SCN3A: variants seen among roughly 807,000 people sequenced by gnomAD.
SCN3A encodes sodium channel protein type 3 subunit alpha.
A neutral mutation model predicts 187.6 loss-of-function variants in SCN3A; 60 were observed. That is an observed-to-expected ratio of 0.32 (90% CI 0.26 to 0.40). SCN3A has a LOEUF of 0.40. SCN3A is among the 10% of genes least tolerant of loss of function. The probability of loss-of-function intolerance (pLI) is 1.00; values close to 1 mark genes in which losing one functional copy is unlikely to be tolerated. For missense variants in SCN3A, 1,601 were observed against 2,428.2 expected (o/e 0.66, Z 7.16); for synonymous variants, 788 against 829.2 (o/e 0.95, Z 0.85).
intron 1 of SCN3A, among the ~76,000 whole-genome samples, chr2:165,190,933 C>A (rs765015119): frequency 3.9e-5 from 6 of 151,958 alleles, no homozygotes; most frequent in Non-Finnish European, 8.8e-5. Context: ...TTCTGGGCTC[C>A]ACCCCAGGTA....
chr2:165,155,727 A>C (rs765991503), intron 10 of SCN3A, 35 bp downstream of exon 10: 2 of 1,611,986 alleles, frequency 1.2e-6, no homozygotes, highest in Non-Finnish European at 1.7e-6. Flanking sequence ...CATGTCTATA[A>C]AAATAAATGT....
chr2:165,164,418 C>A lies in SCN3A; in HGVS notation c.576G>T (p.Trp192Cys). 6.2e-7 allele frequency: 1 copy of A among 1,613,790 alleles called. No homozygotes were observed. Among genetic ancestry groups the A allele is most frequent in the Admixed American group, 1.7e-5 (1 of 60,008 alleles). The change falls in exon 6 of 28, where the codon TGG (tryptophan) becomes TGT (cysteine). Residue 192 changes from tryptophan to cysteine, a missense_variant. Transcript: ENST00000283254. ...DFTFLRDPWN[W>C]LDFSVIVMAY... ...CCATCACAATGACACTGAAATCCAGCCAGTTCCATGGATCACGAAGAAACG... is the reference window on the plus strand; with the variant it reads ...CCATCACAATGACACTGAAATCCAGACAGTTCCATGGATCACGAAGAAACG...
intron 18 of SCN3A, among the ~76,000 whole-genome samples, chr2:165,124,109 A>C (rs13031495): frequency 0.011 from 1,685 of 152,148 alleles, 27 homozygotes; most frequent in African/African-American, 0.033. Flanking sequence ...TTGTAATTGA[A>C]ATCTATGTAT....
At chr2:165,124,812 G>T (rs1042340884) in intron 18 of SCN3A, among the ~76,000 whole-genome samples, 2 of 152,078 alleles carry the variant, frequency 1.3e-5, no homozygotes, top group African/African-American at 4.8e-5. Context: ...CCCTAGCTGA[G>T]AATTTTATCA....
rs1687217835 is a variant in SCN3A, at chr2:165,130,002, C to G, written c.2860G>C (p.Val954Leu). The change falls in exon 17 of 28, where the codon GTC (valine) becomes CTC (leucine). Residue 954 changes from valine to leucine, a missense_variant. Transcript: ENST00000283254. Reference protein sequence around the residue: ...WIETMWDCMEVAGQTMCLIVF... With the variant: ...WIETMWDCMELAGQTMCLIVF... The stretch of plus-strand genomic sequence containing the variant: ...ATAAGGCACATGGTTTGGCCAGCGA[C>G]CTCCATACAGTCCCACATGGTCTCT... The G allele has an allele frequency of 6.2e-7, 1 of 1,614,140 alleles. No homozygotes were observed. Among genetic ancestry groups the G allele is most frequent in the South Asian group, 1.1e-5 (1 of 91,088 alleles).
rs1325714009 is a variant in SCN3A, at chr2:165,137,902, T to A, written c.2368A>T (p.Ser790Cys). ...EHYPMTEQFS[S>C]VLTVGNLVFT... ...ACCAGGTTTCCTACAGTCAACACAC[T>A]ACTGAATTGCTCAGTCATGGGGTAG... Residue 790 changes from serine to cysteine, a missense_variant, in exon 15 of 28, where the codon AGT becomes TGT. Around this residue, in one of 11 missense-constraint regions of SCN3A, gnomAD observed 376 missense variants for 476.0 expected, o/e 0.79. Coordinates refer to ENST00000283254, the MANE Select transcript of SCN3A (RefSeq NM_006922.4). 6.2e-7 allele frequency: 1 copy of A among 1,612,390 alleles called. No homozygotes were observed. Among genetic ancestry groups the A allele is most frequent in the Admixed American group, 1.7e-5 (1 of 59,986 alleles).
Position 165,113,912 on chromosome 2 carries a change from G to T in SCN3A, c.3573C>A (p.Ile1191=). 6.2e-7 allele frequency: 1 copy of T among 1,612,914 alleles called. No individual in the cohort carries two copies. Among genetic ancestry groups the T allele is most frequent in the Non-Finnish European group, 8.5e-7 (1 of 1,179,004 alleles). The change falls in exon 20 of 28, where the codon ATC becomes ATA. Residue 1191 remains isoleucine (I), a synonymous_variant. Coordinates refer to ENST00000283254, the MANE Select transcript of SCN3A (RefSeq NM_006922.4). ...AGCAGGTTTTTCGAAGATTCCACCA[G>T]ATCTTCCCTTTGCCTTCTTCTGTAC... ...QVSTEEGKGK[I]WWNLRKTCYS...
intron 22 of SCN3A, among the ~76,000 whole-genome samples, chr2:165,097,916 A>G (rs1250047462): frequency 6.6e-6 from 1 of 152,232 alleles, no homozygotes; most frequent in African/African-American, 2.4e-5. Flanking sequence ...AATTTGAAAA[A>G]GCCAGTAAAC....
intron 15 of SCN3A, among the ~76,000 whole-genome samples, chr2:165,133,509 T>A (rs1003257244): frequency 1.3e-5 from 2 of 151,960 alleles, no homozygotes; most frequent in Non-Finnish European, 2.9e-5. Flanking sequence ...GCCCAGCTAA[T>A]TTTTCTAATT....
chr2:165,148,720 G>A (rs1688499989), intron 11 of SCN3A, among the ~76,000 whole-genome samples: 1 of 151,668 alleles, frequency 6.6e-6, no homozygotes, highest in African/African-American at 2.4e-5. Flanking sequence ...ACAATACCCA[G>A]CATTTAAATA....
chr2:165,096,621 A>G, intron 23 of SCN3A, 101 bp from the exon 24 acceptor site: 2 of 759,124 alleles, frequency 2.6e-6, no homozygotes, highest in Non-Finnish European at 4.5e-6. Context: ...AACTTTTTGT[A>G]CAATATTGTG....
chr2:165,191,408 T>A (rs1363134835), intron 1 of SCN3A, among the ~76,000 whole-genome samples: 3 of 152,064 alleles, frequency 2.0e-5, no homozygotes, highest in Non-Finnish European at 4.4e-5. Context: ...ATCCTTACAA[T>A]TGCCTAAAAG....
chr2:165,155,951 A>G (rs922407905), intron 9 of SCN3A, 48 bp from the exon 10 acceptor site: 4 of 1,607,318 alleles, frequency 2.5e-6, no homozygotes, highest in Admixed American at 1.7e-5. Flanking sequence ...AATTACAGCA[A>G]TTTCAATTTA....
intron 21 of SCN3A, among the ~76,000 whole-genome samples, chr2:165,103,006 C>T (rs1168831703): frequency 6.6e-6 from 1 of 152,202 alleles, no homozygotes; most frequent in Non-Finnish European, 1.5e-5. Context: ...TTATCACAAT[C>T]TGATCAATCA....
intron 6 of SCN3A, 85 bp downstream of exon 6, chr2:165,164,307 A>T: frequency 1.3e-6 from 2 of 1,557,490 alleles, no homozygotes; most frequent in Non-Finnish European, 1.8e-6. Context: ...AGAAAGCTCT[A>T]CATTTAATAT....
chr2:165,127,883 G>A lies in SCN3A; in HGVS notation c.3141C>T (p.Ser1047=), dbSNP rs777672386. The change falls in exon 18 of 28, where the codon AGC becomes AGT. Residue 1047 remains serine, a synonymous_variant. Coordinates refer to ENST00000283254, the MANE Select transcript of SCN3A (RefSeq NM_006922.4). ...CAATTCCAGTATTATTGGACATGCA[G>A]CTGTCTATCTTATTGCCTTCATGGA... ...IEIHEGNKID[S]CMSNNTGIEI... is the part of the protein sequence containing the mutation. 8.1e-6 allele frequency: 13 copies of A among 1,613,978 alleles called. No individual in the cohort carries two copies. In the East Asian group the frequency reaches 2.7e-4, roughly 33 times the overall value.
intron 21 of SCN3A, among the ~76,000 whole-genome samples, chr2:165,104,462 C>A (rs563720178): frequency 1.3e-5 from 2 of 150,866 alleles, no homozygotes; most frequent in South Asian, 4.2e-4. Flanking sequence ...CACCTTACAC[C>A]AAATTAAATT....
intron 23 of SCN3A, 77 bp from the exon 24 acceptor site, chr2:165,096,597 G>A: frequency 1.0e-6 from 1 of 976,718 alleles, no homozygotes; most frequent in Non-Finnish European, 1.6e-6. Flanking sequence ...AAATCTGACA[G>A]TATTATAACA....
In SCN3A at chr2:165,146,740, T is replaced by A. The variant is rs1049507805; in HGVS notation, c.1670A>T (p.Gln557Leu). 12 of 1,613,740 alleles carry A rather than the reference T, an allele frequency of 7.4e-6. No homozygotes were observed. The highest frequency in any genetic ancestry group is 1.0e-5 in the Non-Finnish European group (12 of 1,179,880). The change falls in exon 12 of 28, where the codon CAG becomes CTG. Residue 557 changes from glutamine to leucine, a missense_variant and splice_region_variant. Gln to Leu is a moderately radical substitution (Grantham distance 113). This residue lies in a region of SCN3A where 376 missense variants were observed against 476.0 expected (regional missense o/e 0.79). Coordinates refer to ENST00000283254, the MANE Select transcript of SCN3A (RefSeq NM_006922.4). ...TSDKKFCSPHQSLLSIRGSLF... is the reference protein window; with the variant it reads ...TSDKKFCSPHLSLLSIRGSLF... ...AGAGCACTTAGTAGAAAATCATACCTGATGAGGGGAGCAGAATTTTTTGTC... is the reference window on the plus strand; with the variant it reads ...AGAGCACTTAGTAGAAAATCATACCAGATGAGGGGAGCAGAATTTTTTGTC...
Sources: allele counts gnomAD v4.1 joint callset (sites outside exome capture counted in the v4.1 genomes callset), GRCh38; gene constraint gnomAD v4.1.1; regional missense constraint gnomAD v4.1.1; transcripts MANE v1.5; gene names NCBI Gene and HGNC (gene_info 2026-07-23, HGNC 2026-07-21).